Variants in UTRN observed in about 807,000 individuals in gnomAD.
UTRN encodes the protein utrophin.
Under a neutral mutation model 463.9 loss-of-function variants are expected in UTRN, and 283 were observed. The ratio of observed to expected loss-of-function variants is 0.61; its 90% CI spans 0.55 to 0.67. The LOEUF (loss-of-function observed/expected upper bound fraction) is 0.67. Among genes scored for constraint, UTRN ranks in the 30% least tolerant of loss-of-function variants. The probability of loss-of-function intolerance (pLI) is 0.00; values close to 1 mark genes in which losing one functional copy is unlikely to be tolerated. For synonymous variants in UTRN, 1,442 were observed against 1,431.5 expected (o/e 1.01, Z -0.17); for missense variants, 3,922 against 4,084.3 (o/e 0.96, Z 1.08).
At chr6:144,837,640 A>G (rs1190911723) in intron 71 of UTRN, among the ~76,000 whole-genome samples, 2 of 152,212 alleles carry the variant, frequency 1.3e-5, no homozygotes, top group East Asian at 1.9e-4. Flanking sequence ...CAAAGCAGGA[A>G]CAACTTTCTC....
At chr6:144,722,765 G>A (rs545963413) in intron 53 of UTRN, among the ~76,000 whole-genome samples, 2 of 152,196 alleles carry the variant, frequency 1.3e-5, no homozygotes, top group East Asian at 3.9e-4. Context: ...AGAGCAATTA[G>A]AGACGACATA....
intron 66 of UTRN, among the ~76,000 whole-genome samples, chr6:144,826,502 G>C (rs1270487220): frequency 6.6e-6 from 1 of 152,048 alleles, no homozygotes; most frequent in African/African-American, 2.4e-5. Flanking sequence ...CAAAAAGCTA[G>C]GGTTGGAACT....
intron 51 of UTRN, among the ~76,000 whole-genome samples, chr6:144,666,367 G>T (rs976262249): frequency 1.3e-5 from 2 of 152,150 alleles, no homozygotes; most frequent in Non-Finnish European, 2.9e-5. Flanking sequence ...TGAAGAAATT[G>T]CACAAAATGA....
intron 65 of UTRN, among the ~76,000 whole-genome samples, chr6:144,808,510 C>T (rs1778340454): frequency 6.6e-6 from 1 of 151,996 alleles, no homozygotes; most frequent in African/African-American, 2.4e-5. Context: ...GTTGTTAGAG[C>T]ATATAAAAGA....
At chr6:144,291,137 G>C (rs1439983727) in intron 1 of UTRN, among the ~76,000 whole-genome samples, 1 of 151,994 alleles carries the variant, frequency 6.6e-6, no homozygotes, top group Non-Finnish European at 1.5e-5. Flanking sequence ...CCATCTACTG[G>C]CTCCCCATTG....
chr6:144,760,631 G>T (rs1244447874), intron 58 of UTRN, among the ~76,000 whole-genome samples: 1 of 152,118 alleles, frequency 6.6e-6, no homozygotes, highest in Non-Finnish European at 1.5e-5. Context: ...GTGAAGAATT[G>T]TTATGAAAAC....
intron 65 of UTRN, 31 bp downstream of exon 65, chr6:144,803,178 T>A: frequency 7.5e-7 from 1 of 1,339,856 alleles, no homozygotes. Flanking sequence ...TTGTTTTTAA[T>A]ACATTGCCAT....
intron 60 of UTRN, among the ~76,000 whole-genome samples, chr6:144,780,801 G>A (rs1586542184): frequency 6.6e-6 from 1 of 152,130 alleles, no homozygotes; most frequent in Admixed American, 6.5e-5. Flanking sequence ...CACCCACACT[G>A]CAGTCCACCA....
In UTRN at chr6:144,788,174, G is replaced by A. The variant is rs537692731; in HGVS notation, c.8835-1020G>A. ...GCATTGTGTAAAACTATGTTCTAAT[G>A]TTGATTAATTAATACATTCTGGTTT... On this transcript the variant is annotated intron_variant, in intron 61 of 74. Coordinates refer to ENST00000367545, the MANE Select transcript of UTRN (RefSeq NM_007124.3). Among the ~76,000 whole-genome samples, 3 of 152,208 alleles carry A rather than the reference G, an allele frequency of 2.0e-5. No individual in the cohort carries two copies. The South Asian group carries it at 6.2e-4, about 32-fold the overall frequency.
chr6:144,723,434 A>AT (rs2128710118), intron 53 of UTRN, among the ~76,000 whole-genome samples: 1 of 152,296 alleles, frequency 6.6e-6, no homozygotes, highest in Non-Finnish European at 1.5e-5. Context: ...ATGCTCAAGC[A>AT]TTTATTGAGT....
chr6:144,510,975 C>T lies in UTRN; in HGVS notation c.4796C>T (p.Ala1599Val), dbSNP rs1339448803. 14 of 1,603,704 alleles carry T rather than the reference C, an allele frequency of 8.7e-6. No homozygotes were observed. In the African/African-American group the frequency reaches 1.3e-4, roughly 15 times the overall value. Reference protein sequence around the residue: ...NVLKDLEKRKADLNTITESSA... With the variant: ...NVLKDLEKRKVDLNTITESSA... ...CTGAAGGATCTGGAAAAGAGAAAAG[C>T]TGATTTAAATACCATCACAGAGAGT... Residue 1599 changes from alanine (A) to valine (V), a missense_variant, in exon 35 of 75, where the codon GCT becomes GTT. Physicochemically the swap from Ala to Val is moderately conservative, Grantham distance 64. Around this residue, in one of 3 missense-constraint regions of UTRN, gnomAD observed 2,349 missense variants for 2,303.8 expected, o/e 1.02. Transcript: ENST00000367545.
rs376294601 is a variant in UTRN at position 144,668,718 on chromosome 6, T to A, written c.7480-9688T>A. On this transcript the variant is annotated intron_variant, in intron 51 of 74. Transcript: ENST00000367545. ...TTTATAGGGGTAGTAATCTCGTTCA[T>A]GAGAGCTCCACCCATGACCTTATCA... Among the ~76,000 whole-genome samples the A allele has an allele frequency of 1.1e-4, 17 of 152,238 alleles. No homozygotes were observed. In the East Asian group the frequency reaches 1.2e-3, roughly 10 times the overall value.
chr6:144,350,335 T>C (rs771969470), intron 2 of UTRN, among the ~76,000 whole-genome samples: 3 of 152,118 alleles, frequency 2.0e-5, no homozygotes, highest in Non-Finnish European at 4.4e-5. Context: ...TCCAAAACCA[T>C]TGTTAATAGT....
chr6:144,832,661 C>G (rs1042472710), intron 69 of UTRN, among the ~76,000 whole-genome samples: 33 of 152,290 alleles, frequency 2.2e-4, no homozygotes, highest in African/African-American at 7.7e-4. Context: ...GCCACAAGAT[C>G]AGCCACATAG....
chr6:144,624,614 G>T (rs1474341445), intron 51 of UTRN, among the ~76,000 whole-genome samples: 1 of 152,150 alleles, frequency 6.6e-6, no homozygotes, highest in African/African-American at 2.4e-5. Flanking sequence ...CAGGAAGAGT[G>T]AAGTGAGGGT....
At chr6:144,850,208 C>T (rs1337757632) in intron 74 of UTRN, among the ~76,000 whole-genome samples, 2 of 152,150 alleles carry the variant, frequency 1.3e-5, no homozygotes, top group African/African-American at 4.8e-5. Flanking sequence ...TTCAGCATAC[C>T]TGGGAAAAGG....
At chr6:144,693,920 C>T (rs1179544956) in intron 52 of UTRN, among the ~76,000 whole-genome samples, 1 of 152,094 alleles carries the variant, frequency 6.6e-6, no homozygotes, top group African/African-American at 2.4e-5. Flanking sequence ...GCAGGACTTC[C>T]AATATTGTGT....
At chr6:144,850,188 G>A (rs960629162) in intron 74 of UTRN, among the ~76,000 whole-genome samples, 1 of 152,308 alleles carries the variant, frequency 6.6e-6, no homozygotes, top group African/African-American at 2.4e-5. Context: ...AGTCAAATGA[G>A]TTTGCTGCTT....
At chr6:144,473,653 A>C in intron 23 of UTRN, 67 bp from the exon 24 acceptor site, 2 of 1,202,178 alleles carry the variant, frequency 1.7e-6, no homozygotes, top group Non-Finnish European at 2.4e-6. Flanking sequence ...CAGTGGCGGT[A>C]GATCTTGAGA....
Sources: gnomAD v4.1 joint callset for allele counts (sites outside exome capture counted in the v4.1 genomes callset) on GRCh38, gnomAD v4.1.1 for gene constraint, gnomAD v4.1.1 regional missense constraint, MANE v1.5 for transcripts, NCBI Gene and HGNC (gene_info 2026-07-23, HGNC 2026-07-21) for gene names.